RBFOX1: variants seen among roughly 807,000 people sequenced by gnomAD.
The protein encoded by RBFOX1 is RNA binding fox-1 homolog 1.
A neutral mutation model predicts 57.7 loss-of-function variants in RBFOX1; 8 were observed. The ratio of observed to expected loss-of-function variants is 0.14; its 90% CI spans 0.08 to 0.25. The LOEUF is 0.25. Among genes scored for constraint, RBFOX1 ranks in the 10% least tolerant of loss-of-function variants. The pLI, the probability that RBFOX1 is intolerant of heterozygous loss-of-function variation, is 1.00. For missense variants in RBFOX1, 611 were observed against 548.5 expected (o/e 1.11, Z -1.14); for synonymous variants, 326 against 222.4 (o/e 1.47, Z -4.15).
intron 1 of RBFOX1, among the ~76,000 whole-genome samples, chr16:5,419,290 G>C (rs1253092127): frequency 6.6e-6 from 1 of 152,178 alleles, no homozygotes; most frequent in Non-Finnish European, 1.5e-5. Flanking sequence ...TGAGGAGCAA[G>C]GAAGCCAGTC....
chr16:7,433,790 C>A (rs976924123), intron 4 of RBFOX1, among the ~76,000 whole-genome samples: 3 of 152,116 alleles, frequency 2.0e-5, no homozygotes, highest in South Asian at 2.1e-4. Flanking sequence ...AGCCAGCCAG[C>A]CAGACAGCTA....
intron 4 of RBFOX1, among the ~76,000 whole-genome samples, chr16:7,297,494 T>C (rs2095921030): frequency 1.3e-5 from 2 of 152,228 alleles, no homozygotes; most frequent in Admixed American, 6.5e-5. Context: ...TCTGGGTTAC[T>C]GAAATCCTGT....
At chr16:6,988,816 G>T (rs2090895371) in intron 3 of RBFOX1, among the ~76,000 whole-genome samples, 1 of 150,976 alleles carries the variant, frequency 6.6e-6, no homozygotes, top group African/African-American at 2.5e-5. Context: ...TCATTGCCCA[G>T]GCTGGAGTGC....
At chr16:6,977,089 TTTA>T (rs1420089108) in intron 3 of RBFOX1, among the ~76,000 whole-genome samples, 1 of 144,888 alleles carries the variant, frequency 6.9e-6, no homozygotes, top group East Asian at 2.0e-4. Flanking sequence ...TGATCTATAT[TTTA>T]TATATATATC....
chr16:5,279,369 A>G (rs1217532459), intron 1 of RBFOX1, among the ~76,000 whole-genome samples: 1 of 152,076 alleles, frequency 6.6e-6, no homozygotes, highest in Non-Finnish European at 1.5e-5. Flanking sequence ...TAGCTATTGT[A>G]AATAGAATTT....
intron 3 of RBFOX1, among the ~76,000 whole-genome samples, chr16:5,664,563 T>C (rs2049770204): frequency 6.6e-6 from 1 of 151,930 alleles, no homozygotes; most frequent in Non-Finnish European, 1.5e-5. Flanking sequence ...AAAAGTGGAT[T>C]CCTGTTCCTG....
intron 2 of RBFOX1, among the ~76,000 whole-genome samples, chr16:6,465,992 G>A (rs527388338): frequency 1.3e-5 from 2 of 152,070 alleles, no homozygotes; most frequent in Admixed American, 1.3e-4. Context: ...ATATTGAGAG[G>A]CTGAGGTGGG....
intron 3 of RBFOX1, among the ~76,000 whole-genome samples, chr16:6,763,313 G>A (rs2076892254): frequency 7.8e-6 from 1 of 128,500 alleles, no homozygotes. Flanking sequence ...CCATTTACCA[G>A]TATAGGGTCA....
intron 4 of RBFOX1, among the ~76,000 whole-genome samples, chr16:7,266,298 G>A (rs1052069900): frequency 2.0e-5 from 3 of 151,952 alleles, no homozygotes; most frequent in Admixed American, 2.0e-4. Flanking sequence ...TGATTTTAAA[G>A]TGTGTGGCAC....
intron 4 of RBFOX1, among the ~76,000 whole-genome samples, chr16:5,907,721 TATCATCATCATCATCATC>T (rs34447124): frequency 1.4e-5 from 2 of 146,116 alleles, no homozygotes; most frequent in African/African-American, 2.6e-5. Context: ...GGAGACTATT[TATCATCATCATCATCATC>T]ATCATCATCA....
intron 4 of RBFOX1, among the ~76,000 whole-genome samples, chr16:7,430,641 C>T (rs1387181548): frequency 7.3e-6 from 1 of 136,944 alleles, no homozygotes; most frequent in Non-Finnish European, 1.5e-5. Flanking sequence ...GCCTGGGTGA[C>T]AGAGTGAGAC....
At chr16:7,700,753 C>A (rs773271642) in intron 14 of RBFOX1, among the ~76,000 whole-genome samples, 1 of 152,188 alleles carries the variant, frequency 6.6e-6, no homozygotes, top group African/African-American at 2.4e-5. Flanking sequence ...CTTACTGTGT[C>A]TTCTCTACTC....
chr16:5,561,514 G>C (rs4786710), intron 2 of RBFOX1, among the ~76,000 whole-genome samples: 1 of 152,048 alleles, frequency 6.6e-6, no homozygotes. Flanking sequence ...AACTTAATTA[G>C]CTGGGAAGAA....
intron 2 of RBFOX1, among the ~76,000 whole-genome samples, chr16:6,384,617 C>T (rs908363426): frequency 2.6e-5 from 4 of 152,194 alleles, no homozygotes; most frequent in African/African-American, 9.7e-5. Flanking sequence ...TCTAATTCGT[C>T]TCCTTTTGCA....
chr16:6,654,902 G>T lies in RBFOX1; in HGVS notation c.-16+252G>T, dbSNP rs1010107024. ...AAATGTGGTGCTGATTTCTGTTTCA[G>T]TCATACCCTTCTTTTCAGGAAAATA... On this transcript the variant is annotated intron_variant, in intron 3 of 15. Coordinates refer to ENST00000550418, the MANE Select transcript of RBFOX1 (RefSeq NM_018723.4). Among the ~76,000 whole-genome samples the T allele has an allele frequency of 2.6e-5, 4 of 152,098 alleles. No homozygotes were observed. In the South Asian group the frequency reaches 6.2e-4, roughly 24 times the overall value.
intron 1 of RBFOX1, among the ~76,000 whole-genome samples, chr16:5,395,570 G>A (rs1028469307): frequency 1.3e-5 from 2 of 152,164 alleles, no homozygotes; most frequent in African/African-American, 4.8e-5. Flanking sequence ...TACGTATAAT[G>A]TATGTGGTGG....
intron 2 of RBFOX1, among the ~76,000 whole-genome samples, chr16:6,579,145 A>G (rs1443279981): frequency 2.0e-5 from 3 of 152,206 alleles, no homozygotes; most frequent in East Asian, 3.9e-4. Flanking sequence ...AGAAATTTTA[A>G]TGTTTTATGC....
In RBFOX1 at chr16:7,579,897, C is replaced by A. The variant is rs1429559005; in HGVS notation, c.391C>A (p.Pro131Thr). Reference sequence around the variant, plus strand: ...CAATATCCCCTTCAGGTTCCGGGATCCGGACCTCAGACAAATGTTTGGTGT... The same window carrying A: ...CAATATCCCCTTCAGGTTCCGGGATACGGACCTCAGACAAATGTTTGGTGT... ...VSNIPFRFRD[P>T]DLRQMFGQFG... The change falls in exon 6 of 16, where the codon CCG becomes ACG. Residue 131 changes from proline to threonine, a missense_variant. By Grantham distance (38) the Pro-to-Thr change is conservative (BLOSUM62 -1). Around this residue, in one of 3 missense-constraint regions of RBFOX1, gnomAD observed 99 missense variants for 160.3 expected, o/e 0.62. Transcript: ENST00000550418. 1.2e-6 allele frequency: 2 copies of A among 1,614,000 alleles called. No homozygotes were observed. Among genetic ancestry groups the A allele is most frequent in the Non-Finnish European group, 1.7e-6 (2 of 1,179,982 alleles).
chr16:7,210,191 G>C (rs1285091386), intron 4 of RBFOX1, among the ~76,000 whole-genome samples: 2 of 152,190 alleles, frequency 1.3e-5, no homozygotes, highest in Non-Finnish European at 2.9e-5. Flanking sequence ...TCCCACACAA[G>C]AAACACAACC....
Sources: gnomAD v4.1 joint callset for allele counts (sites outside exome capture counted in the v4.1 genomes callset) on GRCh38, gnomAD v4.1.1 for gene constraint, gnomAD v4.1.1 regional missense constraint, MANE v1.5 for transcripts, NCBI Gene and HGNC (gene_info 2026-07-23, HGNC 2026-07-21) for gene names.